UGT1A8: variants seen among roughly 807,000 people sequenced by gnomAD.
The protein encoded by UGT1A8 is UDP-glucuronosyltransferase 1A8.
In UGT1A8, 39 loss-of-function variants were observed where a neutral mutation model predicts 45.3. That is an observed-to-expected ratio of 0.86 (90% CI 0.67 to 1.12). The LOEUF is 1.12. UGT1A8 is among the 50% of genes most tolerant of loss of function. UGT1A8 has a pLI of 0.00. For missense variants in UGT1A8, 719 were observed against 664.9 expected, an observed-to-expected ratio of 1.08 and a Z score of -0.90; for synonymous variants, 275 against 249.2, an observed-to-expected ratio of 1.10 and a Z score of -0.97.
intron 1 of UGT1A8, chr2:233,729,974 A>G (rs779334131): frequency 1.9e-6 from 3 of 1,614,082 alleles, no homozygotes; most frequent in Non-Finnish European, 2.5e-6. Flanking sequence ...AACTGTGCCA[A>G]CAGGAAGCCA....
chr2:233,744,585 T>G (rs560652902), intron 1 of UGT1A8, among the ~76,000 whole-genome samples: 1 of 151,910 alleles, frequency 6.6e-6, no homozygotes, highest in Non-Finnish European at 1.5e-5. Context: ...CGTTTTACAG[T>G]TTTTGCATCT....
chr2:233,688,142 T>C (rs2074879720), intron 1 of UGT1A8, among the ~76,000 whole-genome samples: 1 of 152,238 alleles, frequency 6.6e-6, no homozygotes, highest in African/African-American at 2.4e-5. Context: ...TCTGTCTGTA[T>C]GGATTTGCCT....
chr2:233,700,192 T>C (rs895765902), intron 1 of UGT1A8, among the ~76,000 whole-genome samples: 1 of 152,232 alleles, frequency 6.6e-6, no homozygotes, highest in African/African-American at 2.4e-5. Context: ...AATCTCAGCC[T>C]TTGTTGGCTG....
At chr2:233,627,478 C>T (rs1030795521) in intron 1 of UGT1A8, among the ~76,000 whole-genome samples, 10 of 151,976 alleles carry the variant, frequency 6.6e-5, no homozygotes, top group South Asian at 2.1e-4. Flanking sequence ...TCTATAAATA[C>T]GCCTTTCTTA....
chr2:233,689,547 A>G (rs2074949605), intron 1 of UGT1A8, among the ~76,000 whole-genome samples: 3 of 152,252 alleles, frequency 2.0e-5, no homozygotes, highest in Admixed American at 1.3e-4. Flanking sequence ...CTTGCAGGTC[A>G]TAGGTGAATT....
chr2:233,724,193 GC>G lies in UGT1A8; in HGVS notation c.856-42840del, dbSNP rs1291443847. Among the ~76,000 whole-genome samples, 375 of 129,962 alleles carry G rather than the reference GC, an allele frequency of 2.9e-3. 2 individuals are homozygous for G. Among genetic ancestry groups the G allele is most frequent in the African/African-American group, 0.011 (348 of 31,006 alleles). The allele number at this position is 129,962 out of a possible 152,430, so 85.3% of individuals were successfully genotyped here. ...CCCCATCTCCCTCCCGGACGGGGTG[GC>G]TGGCCGGGCTGAGGGGCTCCTCACT... On this transcript the variant is annotated intron_variant, in intron 1 of 4. Coordinates refer to ENST00000373450, the MANE Select transcript of UGT1A8 (RefSeq NM_019076.5).
rs1699952457 is a variant in UGT1A8, at chr2:233,769,841, G to C, written c.1295+1402G>C. On this transcript the variant is annotated intron_variant, in intron 4 of 4. Coordinates refer to ENST00000373450, the MANE Select transcript of UGT1A8 (RefSeq NM_019076.5). This position sits in a 1 kb window ranked among gnomAD's most constrained non-coding sequence, Gnocchi z 4.4. The stretch of plus-strand genomic sequence containing the variant: ...CTGCACTCCAGCAACCTGGGCAACA[G>C]AGTGAGACCCTGTCTCAAAAAAAAA... The C allele has an allele frequency of 1.8e-6, 1 of 550,096 alleles. No homozygotes were observed. Among genetic ancestry groups the C allele is most frequent in the Non-Finnish European group, 2.8e-6 (1 of 353,910 alleles). The allele number at this position is 550,096 out of a possible 1,614,324, so 34.1% of individuals were successfully genotyped here. A position where few individuals can be genotyped will look rare whatever the true frequency, so the allele number is the denominator to read the frequency against.
intron 1 of UGT1A8, chr2:233,682,037 G>A: frequency 6.2e-7 from 1 of 1,614,110 alleles, no homozygotes; most frequent in Non-Finnish European, 8.5e-7. Flanking sequence ...AGTGCCCATG[G>A]ATGGGAGCCA....
intron 1 of UGT1A8, among the ~76,000 whole-genome samples, chr2:233,704,865 G>A (rs1559353714): frequency 1.3e-5 from 2 of 152,168 alleles, no homozygotes; most frequent in South Asian, 4.1e-4. Flanking sequence ...CGGGCACGGT[G>A]GCTCACTCCT....
intron 1 of UGT1A8, chr2:233,719,070 T>A (rs144655870): frequency 6.2e-7 from 1 of 1,614,284 alleles, no homozygotes; most frequent in East Asian, 2.2e-5. Context: ...TGCTGTTCCA[T>A]GGACCCAGAA....
At chr2:233,648,719 C>T (rs529199576) in intron 1 of UGT1A8, 8 of 460,734 alleles carry the variant, frequency 1.7e-5, no homozygotes, top group East Asian at 1.6e-4. Context: ...CCGCCTTGGC[C>T]TCCCAAAGTG....
intron 1 of UGT1A8, among the ~76,000 whole-genome samples, chr2:233,663,956 A>G (rs1306772194): frequency 6.6e-6 from 1 of 152,182 alleles, no homozygotes; most frequent in Admixed American, 6.5e-5. Flanking sequence ...TTGTCCTTGC[A>G]TCTAAGTGTA....
At chr2:233,681,272 G>C (rs1186319334) in intron 1 of UGT1A8, among the ~76,000 whole-genome samples, 1 of 152,018 alleles carries the variant, frequency 6.6e-6, no homozygotes, top group Non-Finnish European at 1.5e-5. Context: ...AGTGGCTCAC[G>C]CCTGTAATCC....
chr2:233,724,272 C>T (rs2077202450), intron 1 of UGT1A8, among the ~76,000 whole-genome samples: 2 of 137,942 alleles, frequency 1.4e-5, no homozygotes, highest in African/African-American at 5.4e-5. Context: ...GACGGGGCGG[C>T]TGGCCGGGCG....
At chr2:233,644,481 A>G (rs953204902) in intron 1 of UGT1A8, among the ~76,000 whole-genome samples, 2 of 152,048 alleles carry the variant, frequency 1.3e-5, no homozygotes, top group Non-Finnish European at 2.9e-5. Context: ...GATTCGCTTG[A>G]ACCTCGGAGG....
At chr2:233,752,742 C>T (rs1695047003) in intron 1 of UGT1A8, among the ~76,000 whole-genome samples, 1 of 152,068 alleles carries the variant, frequency 6.6e-6, no homozygotes, top group South Asian at 2.1e-4. Flanking sequence ...GAGACCCTGT[C>T]TCTAAAACAA....
chr2:233,652,406 T>A (rs1286186208), intron 1 of UGT1A8, among the ~76,000 whole-genome samples: 7 of 152,332 alleles, frequency 4.6e-5, no homozygotes, highest in South Asian at 2.1e-4. Flanking sequence ...GTTCTTTTTT[T>A]AAAAATAAAT....
chr2:233,685,495 G>T (rs997076638), intron 1 of UGT1A8, among the ~76,000 whole-genome samples: 4 of 152,164 alleles, frequency 2.6e-5, no homozygotes, highest in African/African-American at 9.7e-5. Context: ...CTGGGATGTG[G>T]TTACAGCAAG....
At chr2:233,702,163 C>G (rs1426728251) in intron 1 of UGT1A8, among the ~76,000 whole-genome samples, 1 of 152,174 alleles carries the variant, frequency 6.6e-6, no homozygotes, top group East Asian at 1.9e-4. Context: ...TATTATCAGT[C>G]ACTCTTCTTT....
Sources: allele counts gnomAD v4.1 joint callset (sites outside exome capture counted in the v4.1 genomes callset), GRCh38; gene constraint gnomAD v4.1.1; non-coding constraint Gnocchi (gnomAD v3.1); transcripts MANE v1.5; gene names NCBI Gene and HGNC (gene_info 2026-07-23, HGNC 2026-07-21).